Variants in GRM4 observed in about 807,000 individuals in gnomAD.
GRM4 encodes glutamate metabotropic receptor 4.
In GRM4, 28 loss-of-function variants were observed where a neutral mutation model predicts 81.7. That is an observed-to-expected ratio of 0.34 (90% confidence interval 0.25 to 0.47). The LOEUF (loss-of-function observed/expected upper bound fraction) is 0.47. GRM4 is among the 20% of genes least tolerant of loss of function. The pLI, the probability that GRM4 is intolerant of heterozygous loss-of-function variation, is 1.00. For synonymous variants in GRM4, 488 were observed against 528.8 expected (o/e 0.92, Z 1.06); for missense variants, 948 against 1,290.0 (o/e 0.73, Z 4.06).
rs1763819457 is a variant in GRM4 at position 34,020,154 on chromosome 6, G to C, written c.*2667C>G. On this transcript the variant is annotated 3_prime_UTR_variant, in exon 11 of 11. Transcript: ENST00000538487. ...ATTTTACTTTGGGACACAGTCTGCT[G>C]TATCTCCCCCATCACACTGGAAGCT... 1 of 152,294 alleles carries C rather than the reference G, an allele frequency of 6.6e-6. No homozygotes were observed. The highest frequency in any genetic ancestry group is 1.5e-5 in the Non-Finnish European group (1 of 68,102). The allele number at this position is 152,294 out of a possible 1,614,324, so 9.4% of individuals were successfully genotyped here. A position where few individuals can be genotyped will look rare whatever the true frequency, so the allele number is the denominator to read the frequency against.
At position 34,028,334 on chromosome 6, in the gene GRM4, C is replaced by T. The variant is rs761316440; in HGVS notation, c.2475G>A (p.Ser825=). Residue 825 remains serine (S), a synonymous_variant, in exon 10 of 11, where the codon TCG becomes TCA. Transcript: ENST00000538487. ...LYIQTTTLTV[S]VSLSASVSLG... Reference sequence around the variant, plus strand: ...GGGACACCGAGGCGCTCAGACTCACCGAGACCGTCAGCGTCGTCGTCTGGA... The same window carrying T: ...GGGACACCGAGGCGCTCAGACTCACTGAGACCGTCAGCGTCGTCGTCTGGA... The T allele has an allele frequency of 9.9e-6, 16 of 1,612,020 alleles. No homozygotes were observed. The highest frequency in any genetic ancestry group is 1.3e-5 in the Non-Finnish European group (15 of 1,179,946).
In GRM4 at chr6:34,042,373, T is replaced by C. The variant is rs578183472; in HGVS notation, c.1169-1625A>G. Among the ~76,000 whole-genome samples, 3 of 152,282 alleles carry C rather than the reference T, an allele frequency of 2.0e-5. No homozygotes were observed. In the South Asian group the frequency reaches 6.2e-4, roughly 32 times the overall value. On this transcript the variant is annotated intron_variant, in intron 6 of 10. Transcript: ENST00000538487. The surrounding 1 kb of genome is among the most constrained non-coding windows in gnomAD (Gnocchi z 4.2). The stretch of plus-strand genomic sequence containing the variant: ...AACTCCAACCCTGAGCACCACACTC[T>C]GCCACACAGGGATGCAGGTGGGCAG...
chr6:34,076,048 G>A (rs1031957710), intron 3 of GRM4, among the ~76,000 whole-genome samples: 4 of 152,218 alleles, frequency 2.6e-5, no homozygotes, highest in Admixed American at 6.5e-5. Context: ...GGCAGGAGCC[G>A]AGGCACAGTC....
Position 34,047,815 on chromosome 6 carries a change from G to A in GRM4, c.1169-7067C>T, listed in dbSNP as rs1304505534. 1.3e-5 allele frequency among the ~76,000 whole-genome samples: 2 copies of A among 152,190 alleles called. No homozygotes were observed. The highest frequency in any genetic ancestry group is 2.1e-4 in the South Asian group (1 of 4,830). On this transcript the variant is annotated intron_variant, in intron 6 of 10. Transcript: ENST00000538487. The surrounding 1 kb of genome is among the most constrained non-coding windows in gnomAD (Gnocchi z 4.5). ...TGAAGCAGCTTACCCAGTGGGAGTC[G>A]ATTCTTGACTCCCTCTCAAGTGTTC...
intron 6 of GRM4, 157 bp downstream of exon 6, chr6:34,056,387 G>A: frequency 1.6e-6 from 1 of 622,378 alleles, no homozygotes. Context: ...CCCCGCCCCA[G>A]GCCTCCCAAC....
At chr6:34,038,657 T>C (rs541730257) in intron 8 of GRM4, among the ~76,000 whole-genome samples, 104 of 146,704 alleles carry the variant, frequency 7.1e-4, no homozygotes, top group African/African-American at 2.7e-3. Context: ...GGAAGGTTGA[T>C]GGTTAAAGTC....
Position 34,021,847 on chromosome 6 carries a change from C to T in GRM4, c.*974G>A, listed in dbSNP as rs149624269. 3.3e-4 allele frequency: 50 copies of T among 152,840 alleles called. No homozygotes were observed. The highest frequency in any genetic ancestry group is 1.2e-3 in the African/African-American group (48 of 41,540). The allele number at this position is 152,840 out of a possible 1,614,324, so 9.5% of individuals were successfully genotyped here. On this transcript the variant is annotated 3_prime_UTR_variant, in exon 11 of 11. Transcript: ENST00000538487. This position sits in a 1 kb window ranked among gnomAD's most constrained non-coding sequence, Gnocchi z 5.3. ...CAGGACCCTCAGTGGATGTGGAGCC[C>T]GGGTGCAAAACCATGTGTTTATTTT... is the stretch of plus-strand genomic sequence containing the variant.
chr6:34,032,313 C>T (rs116929327), intron 9 of GRM4, among the ~76,000 whole-genome samples: 1,749 of 152,304 alleles, frequency 0.011, 16 homozygotes, highest in East Asian at 0.024. Flanking sequence ...TACACACACA[C>T]CTCTGTAGGC....
intron 6 of GRM4, among the ~76,000 whole-genome samples, chr6:34,053,656 G>A (rs544222397): frequency 1.8e-4 from 28 of 152,332 alleles, no homozygotes; most frequent in South Asian, 6.2e-4. Flanking sequence ...TAGGAGGGGC[G>A]TCACCCACCC....
chr6:34,030,187 G>A (rs750340877), intron 9 of GRM4, among the ~76,000 whole-genome samples: 2 of 152,170 alleles, frequency 1.3e-5, no homozygotes, highest in Non-Finnish European at 2.9e-5. Context: ...GTAGAGTCTC[G>A]GGCTAATGGA....
intron 2 of GRM4, among the ~76,000 whole-genome samples, chr6:34,109,117 G>A (rs114467678): frequency 0.025 from 3,864 of 152,260 alleles, 87 homozygotes; most frequent in Non-Finnish European, 0.035. Flanking sequence ...GCCAAAGATC[G>A]AAACCCTTCC....
rs771802932 is a variant in GRM4 at position 34,022,839 on chromosome 6, G to A, written c.2721C>T (p.Tyr907=). ...ALATKQTYVT[Y]TNHAI ...GGACTCGCTAGATTGCATGGTTGGT[G>A]TAAGTGACGTAAGTCTGTTTGGTGG... Residue 907 remains tyrosine (Y), a synonymous_variant, in exon 11 of 11, where the codon TAC becomes TAT. Transcript: ENST00000538487. The surrounding 1 kb of genome is among the most constrained non-coding windows in gnomAD (Gnocchi z 5.6). 3.1e-6 allele frequency: 5 copies of A among 1,613,868 alleles called. No individual in the cohort carries two copies. The highest frequency in any genetic ancestry group is 1.7e-5 in the Admixed American group (1 of 60,004).
rs902210 is a variant in GRM4 at position 34,112,028 on chromosome 6, G to T, written c.520-19929C>A. Reference sequence around the variant, plus strand: ...TGCACCTAAATAAACGTAGTGGAAGGGGGGGACATGATCACTCCTGGAAAG... The same window carrying T: ...TGCACCTAAATAAACGTAGTGGAAGTGGGGGACATGATCACTCCTGGAAAG... On this transcript the variant is annotated intron_variant, in intron 2 of 10. Transcript: ENST00000538487. 8.0e-3 allele frequency among the ~76,000 whole-genome samples: 1,221 copies of T among 152,244 alleles called. 10 individuals carry two copies. Among genetic ancestry groups the T allele is most frequent in the Middle Eastern group, 0.027 (8 of 294 alleles).
At chr6:34,131,573 A>G (rs534493997) in intron 2 of GRM4, among the ~76,000 whole-genome samples, 1 of 151,728 alleles carries the variant, frequency 6.6e-6, no homozygotes, top group Non-Finnish European at 1.5e-5. Flanking sequence ...TGACAGCACA[A>G]CTCTGGCCTC....
In GRM4 at chr6:34,089,234, T is replaced by A. The variant is rs1768067266; in HGVS notation, c.736+2649A>T. 6.6e-6 allele frequency among the ~76,000 whole-genome samples: 1 copy of A among 152,162 alleles called. No individual in the cohort carries two copies. Among genetic ancestry groups the A allele is most frequent in the South Asian group, 2.1e-4 (1 of 4,828 alleles). ...TCCTCTGAGCAACTCACAGATGATTTATACTTCAGAGTACGAATCAATACA... is the reference window on the plus strand; with the variant it reads ...TCCTCTGAGCAACTCACAGATGATTAATACTTCAGAGTACGAATCAATACA... On this transcript the variant is annotated intron_variant, in intron 3 of 10. Coordinates refer to ENST00000538487, the MANE Select transcript of GRM4 (RefSeq NM_000841.4). This position sits in a 1 kb window ranked among gnomAD's most constrained non-coding sequence, Gnocchi z 4.3.
chr6:34,056,515 G>A (rs367906843), intron 6 of GRM4, 29 bp downstream of exon 6: 52 of 1,595,132 alleles, frequency 3.3e-5, no homozygotes, highest in Non-Finnish European at 4.2e-5. Context: ...CCTAGAGCCC[G>A]CCCGGCCCTG....
chr6:34,045,224 A>G (rs1765310947), intron 6 of GRM4, among the ~76,000 whole-genome samples: 1 of 152,226 alleles, frequency 6.6e-6, no homozygotes, highest in South Asian at 2.1e-4. Flanking sequence ...GGCCTAAATG[A>G]GCAGCTGCAA....
intron 9 of GRM4, among the ~76,000 whole-genome samples, chr6:34,033,594 A>G (rs1315171561): frequency 6.6e-6 from 1 of 152,114 alleles, no homozygotes; most frequent in Non-Finnish European, 1.5e-5. Context: ...ACCCCATCCC[A>G]TGGCTGCCTC....
chr6:34,131,515 T>G lies in GRM4; in HGVS notation c.519+1463A>C, dbSNP rs551973908. ...ACACAGGTGGGCGCACACGTGCTCT[T>G]CAGCCCCAGAGCAGCCAATGGCAAA... On this transcript the variant is annotated intron_variant, in intron 2 of 10. Coordinates refer to ENST00000538487, the MANE Select transcript of GRM4 (RefSeq NM_000841.4). Among the ~76,000 whole-genome samples the G allele has an allele frequency of 2.0e-5, 3 of 152,290 alleles. No individual in the cohort carries two copies. The South Asian group carries it at 6.2e-4, about 32-fold the overall frequency.
Sources: gnomAD v4.1 joint callset for allele counts (sites outside exome capture counted in the v4.1 genomes callset) on GRCh38, gnomAD v4.1.1 for gene constraint, Gnocchi (gnomAD v3.1) non-coding constraint, MANE v1.5 for transcripts, NCBI Gene and HGNC (gene_info 2026-07-23, HGNC 2026-07-21) for gene names.